DLG2: variants seen among roughly 807,000 people sequenced by gnomAD.
DLG2 encodes the protein discs large MAGUK scaffold protein 2, also known as disks large homolog 2.
Under a neutral mutation model 132.5 loss-of-function variants are expected in DLG2, and 45 were observed. The ratio of observed to expected loss-of-function variants is 0.34; its 90% CI spans 0.27 to 0.44. DLG2 has a LOEUF of 0.44. DLG2 is among the 20% of genes least tolerant of loss of function. The pLI, the probability that DLG2 is intolerant of heterozygous loss-of-function variation, is 1.00. For synonymous variants in DLG2, 424 were observed against 419.6 expected (o/e 1.01, Z -0.13); for missense variants, 1,045 against 1,196.9 (o/e 0.87, Z 1.87).
At chr11:85,019,233 A>C (rs2059826011) in intron 6 of DLG2, among the ~76,000 whole-genome samples, 1 of 152,162 alleles carries the variant, frequency 6.6e-6, no homozygotes, top group Non-Finnish European at 1.5e-5. Context: ...TCAAAATTAA[A>C]AGCAAAAATT....
At chr11:84,083,917 T>TAG (rs759252059) in intron 10 of DLG2, among the ~76,000 whole-genome samples, 3 of 152,180 alleles carry the variant, frequency 2.0e-5, no homozygotes, top group Admixed American at 6.5e-5. Context: ...TAAATATAGT[T>TAG]AGCATTTAAG....
chr11:84,714,631 C>CTTTCTCTT (rs2060963412), intron 6 of DLG2, among the ~76,000 whole-genome samples: 1 of 135,542 alleles, frequency 7.4e-6, no homozygotes, highest in African/African-American at 3.2e-5. Context: ...CTTTCTCTCT[C>CTTTCTCTT]TCTCTCTCTC....
chr11:84,322,141 C>A (rs2098408361), intron 7 of DLG2, among the ~76,000 whole-genome samples: 1 of 152,268 alleles, frequency 6.6e-6, no homozygotes, highest in African/African-American at 2.4e-5. Context: ...TGGAAGAAGA[C>A]AAAAGTATCT....
chr11:84,586,491 G>A (rs1165978002), intron 6 of DLG2, among the ~76,000 whole-genome samples: 1 of 152,132 alleles, frequency 6.6e-6, no homozygotes, highest in Non-Finnish European at 1.5e-5. Flanking sequence ...TTCTCAGCCT[G>A]TTGGCTAAGA....
At chr11:83,861,357 A>G (rs2061426940) in intron 16 of DLG2, among the ~76,000 whole-genome samples, 1 of 152,172 alleles carries the variant, frequency 6.6e-6, no homozygotes, top group African/African-American at 2.4e-5. Context: ...CTATCATATG[A>G]TCCAGCACTC....
chr11:84,175,915 G>C (rs2095950162), intron 8 of DLG2, among the ~76,000 whole-genome samples: 1 of 151,990 alleles, frequency 6.6e-6, no homozygotes, highest in South Asian at 2.1e-4. Context: ...TTATTAATAG[G>C]TTTTGTCCCC....
At chr11:85,545,650 C>T (rs1416930949) in intron 3 of DLG2, among the ~76,000 whole-genome samples, 2 of 152,088 alleles carry the variant, frequency 1.3e-5, no homozygotes, top group Admixed American at 6.6e-5. Context: ...CTATTAATTG[C>T]TGCCTCAACT....
At chr11:84,853,144 A>G (rs1209840286) in intron 6 of DLG2, among the ~76,000 whole-genome samples, 1 of 151,934 alleles carries the variant, frequency 6.6e-6, no homozygotes, top group African/African-American at 2.4e-5. Flanking sequence ...GAACTACACT[A>G]AAATTGGAGG....
At chr11:85,487,599 C>T (rs2093458922) in intron 3 of DLG2, among the ~76,000 whole-genome samples, 1 of 151,422 alleles carries the variant, frequency 6.6e-6, no homozygotes, top group African/African-American at 2.4e-5. Context: ...AACTTGAAGA[C>T]AGGTATTTTG....
At chr11:85,049,677 TTAGGAAATATAAA>T (rs2062704643) in intron 6 of DLG2, among the ~76,000 whole-genome samples, 1 of 152,048 alleles carries the variant, frequency 6.6e-6, no homozygotes, top group Non-Finnish European at 1.5e-5. Context: ...GCACAGAATG[TTAGGAAATATAAA>T]CCGGGACGTA....
At chr11:83,587,147 C>G (rs1451326804) in intron 19 of DLG2, among the ~76,000 whole-genome samples, 1 of 152,082 alleles carries the variant, frequency 6.6e-6, no homozygotes, top group Admixed American at 6.5e-5. Context: ...TATTGTTATG[C>G]TTTGGATTAA....
chr11:84,845,494 G>A (rs904055484), intron 6 of DLG2, among the ~76,000 whole-genome samples: 2 of 151,976 alleles, frequency 1.3e-5, no homozygotes, highest in East Asian at 1.9e-4. Context: ...CAACTTTTCA[G>A]GATGAAATGA....
chr11:85,532,378 A>G (rs926332801), intron 3 of DLG2, among the ~76,000 whole-genome samples: 3 of 152,204 alleles, frequency 2.0e-5, no homozygotes, highest in Non-Finnish European at 4.4e-5. Context: ...TTTGTTCCAT[A>G]TGAGGAGCAG....
At chr11:83,627,170 C>T (rs1180691552) in intron 19 of DLG2, among the ~76,000 whole-genome samples, 1 of 151,710 alleles carries the variant, frequency 6.6e-6, no homozygotes, top group East Asian at 1.9e-4. Flanking sequence ...TTCTCACAAC[C>T]ACTTATTTTA....
chr11:84,686,431 C>G (rs1005268089), intron 6 of DLG2, among the ~76,000 whole-genome samples: 1 of 152,110 alleles, frequency 6.6e-6, no homozygotes, highest in African/African-American at 2.4e-5. Context: ...CAAACAACAA[C>G]CTGGATTTGG....
At chr11:85,035,762 T>C (rs1164945607) in intron 6 of DLG2, among the ~76,000 whole-genome samples, 1 of 152,154 alleles carries the variant, frequency 6.6e-6, no homozygotes, top group African/African-American at 2.4e-5. Context: ...ATCACCATCA[T>C]AGAAACTTTG....
At chr11:84,394,441 T>A (rs947118684) in intron 7 of DLG2, among the ~76,000 whole-genome samples, 1 of 152,094 alleles carries the variant, frequency 6.6e-6, no homozygotes, top group South Asian at 2.1e-4. Context: ...AGATATACAC[T>A]GCCCTCTCTG....
chr11:84,101,515 A>C (rs1394001760), intron 9 of DLG2, among the ~76,000 whole-genome samples: 1 of 151,600 alleles, frequency 6.6e-6, no homozygotes, highest in Non-Finnish European at 1.5e-5. Context: ...GCCTTCATGG[A>C]TATTCAAAGC....
At chr11:85,422,463 T>C (rs944339517) in intron 3 of DLG2, among the ~76,000 whole-genome samples, 1 of 152,116 alleles carries the variant, frequency 6.6e-6, no homozygotes, top group Non-Finnish European at 1.5e-5. Context: ...CTTCTACTTG[T>C]TCAATTCTAT....
Sources: allele counts gnomAD v4.1 joint callset (sites outside exome capture counted in the v4.1 genomes callset), GRCh38; gene constraint gnomAD v4.1.1; transcripts MANE v1.5; gene names NCBI Gene and HGNC (gene_info 2026-07-23, HGNC 2026-07-21).